SRCAP: variants seen among roughly 807,000 people sequenced by gnomAD.
The protein encoded by SRCAP is chromatin remodeling protein SRCAP.
Under a neutral mutation model 263.1 loss-of-function variants are expected in SRCAP, and 46 were observed. The ratio of observed to expected loss-of-function variants is 0.17; its 90% CI spans 0.14 to 0.22. SRCAP has a LOEUF of 0.22. SRCAP is among the 10% of genes least tolerant of loss of function. The probability of loss-of-function intolerance (pLI) is 1.00; values close to 1 mark genes in which losing one functional copy is unlikely to be tolerated. For synonymous variants in SRCAP, 1,813 were observed against 1,662.1 expected (o/e 1.09, Z -2.21); for missense variants, 3,695 against 4,181.9 (o/e 0.88, Z 3.21).
chr16:30,703,295 G>A (rs1224738730), intron 3 of SRCAP, among the ~76,000 whole-genome samples: 1 of 151,230 alleles, frequency 6.6e-6, no homozygotes, highest in African/African-American at 2.4e-5. Context: ...CCAGGTTCAA[G>A]CGATTCTCGT....
chr16:30,739,773 T>TC lies in SRCAP; in HGVS notation c.*43dup. ...CACCTAGGCTTTCCACCGTGGCCACTCCCTCCATGACCAGGCCTGACTCTG... is the reference window on the plus strand; with the variant it reads ...CACCTAGGCTTTCCACCGTGGCCACTCCCCTCCATGACCAGGCCTGACTCTG... On this transcript the variant is annotated 3_prime_UTR_variant, in exon 34 of 34. Coordinates refer to ENST00000262518, the MANE Select transcript of SRCAP (RefSeq NM_006662.3). The TC allele has an allele frequency of 6.9e-7, 1 of 1,450,398 alleles. No individual in the cohort carries two copies. Among genetic ancestry groups the TC allele is most frequent in the Non-Finnish European group, 9.1e-7 (1 of 1,099,598 alleles). The allele number at this position is 1,450,398 out of a possible 1,614,324, so 89.8% of individuals were successfully genotyped here.
chr16:30,739,424 C>A lies in SRCAP; in HGVS notation c.9384C>A (p.Val3128=). Reference sequence around the variant, plus strand: ...CCCGGCTGCGTCCAGGGTCTCTAGTCCCCCCACTAGAGACTGAGAAGTTGC... The same window carrying A: ...CCCGGCTGCGTCCAGGGTCTCTAGTACCCCCACTAGAGACTGAGAAGTTGC... ...RSTRLRPGSL[V]PPLETEKLPR... is the part of the protein sequence containing the mutation. The change falls in exon 34 of 34, where the codon GTC becomes GTA. Residue 3128 remains valine (V), a synonymous_variant. Transcript: ENST00000262518. 6.2e-7 allele frequency: 1 copy of A among 1,614,206 alleles called. No individual in the cohort carries two copies. The highest frequency in any genetic ancestry group is 8.5e-7 in the Non-Finnish European group (1 of 1,180,032).
At chr16:30,705,504 A>T (rs937044979) in intron 4 of SRCAP, among the ~76,000 whole-genome samples, 1 of 147,256 alleles carries the variant, frequency 6.8e-6, no homozygotes, top group African/African-American at 2.5e-5. Context: ...GTTCACAGCC[A>T]TTCTCTGGCC....
intron 14 of SRCAP, 120 bp from the exon 15 acceptor site, chr16:30,713,088 T>G: frequency 1.7e-6 from 2 of 1,171,726 alleles, no homozygotes; most frequent in Non-Finnish European, 2.4e-6. Flanking sequence ...TCCATTCTTT[T>G]GCTGGGACTT....
At chr16:30,717,752 G>T (rs940469010) in intron 18 of SRCAP, among the ~76,000 whole-genome samples, 1 of 151,026 alleles carries the variant, frequency 6.6e-6, no homozygotes, top group Non-Finnish European at 1.5e-5. Flanking sequence ...GGGGATACAG[G>T]CACGCACCAC....
chr16:30,717,963 C>T (rs117198472), intron 18 of SRCAP, among the ~76,000 whole-genome samples: 7 of 149,302 alleles, frequency 4.7e-5, no homozygotes, highest in South Asian at 2.1e-4. Flanking sequence ...CTTGCCATGT[C>T]GCTCAGGCTG....
chr16:30,724,469 C>A lies in SRCAP; in HGVS notation c.5045C>A (p.Ala1682Asp). The A allele has an allele frequency of 6.2e-7, 1 of 1,614,240 alleles. No homozygotes were observed. Among genetic ancestry groups the A allele is most frequent in the Non-Finnish European group, 8.5e-7 (1 of 1,180,046 alleles). The change falls in exon 25 of 34, where the codon GCC becomes GAC. Residue 1682 changes from alanine to aspartate, a missense_variant. This residue lies in a region of SRCAP where 1,347 missense variants were observed against 1,304.4 expected (regional missense o/e 1.03). Coordinates refer to ENST00000262518, the MANE Select transcript of SRCAP (RefSeq NM_006662.3). The stretch of plus-strand genomic sequence containing the variant: ...AGCCCGGCTTCTACGCAGACACTGG[C>A]CCTAGCCCCAGCTTTAGCACCCACT... ...LPSPASTQTLALAPALAPTLG... is the reference protein window; with the variant it reads ...LPSPASTQTLDLAPALAPTLG...
At chr16:30,707,463 A>G in intron 5 of SRCAP, 95 bp downstream of exon 5, 1 of 1,604,422 alleles carries the variant, frequency 6.2e-7, no homozygotes, top group Non-Finnish European at 8.5e-7. Flanking sequence ...TGTAGGCATT[A>G]AGAGCAAACT....
chr16:30,706,009 C>G (rs573327940), intron 4 of SRCAP, among the ~76,000 whole-genome samples: 1 of 152,150 alleles, frequency 6.6e-6, no homozygotes. Flanking sequence ...TTCTAAAAGT[C>G]CTCCAGATGA....
chr16:30,710,119 G>A lies in SRCAP; in HGVS notation c.1125G>A (p.Gln375=), dbSNP rs938035516. Residue 375 remains glutamine, a synonymous_variant, in exon 8 of 34, where the codon CAG becomes CAA. Coordinates refer to ENST00000262518, the MANE Select transcript of SRCAP (RefSeq NM_006662.3). ...PEEGAEEEPP[Q]VLEIKPPPSA... ...AAGGTGCTGAAGAAGAGCCCCCTCA[G>A]GTGTTGGAGGTATAGGCAGAAGGAG... The A allele has an allele frequency of 5.6e-6, 9 of 1,613,374 alleles. No individual in the cohort carries two copies. Among genetic ancestry groups the A allele is most frequent in the Non-Finnish European group, 7.6e-6 (9 of 1,179,450 alleles).
chr16:30,722,477 G>GTTCTT, intron 22 of SRCAP, 86 bp from the exon 23 acceptor site: 2 of 1,548,550 alleles, frequency 1.3e-6, no homozygotes, highest in Non-Finnish European at 1.8e-6. Flanking sequence ...TTCCCTCTCT[G>GTTCTT]TTCTTTTCTT....
At chr16:30,734,474 T>G (rs2053140890) in intron 30 of SRCAP, 22 bp from the exon 31 acceptor site, 1 of 1,612,898 alleles carries the variant, frequency 6.2e-7, no homozygotes, top group Non-Finnish European at 8.5e-7. Flanking sequence ...ACTCTGACAC[T>G]TCCCTCTGTT....
Position 30,723,133 on chromosome 16 carries a change from A to G in SRCAP, c.4063A>G (p.Thr1355Ala), listed in dbSNP as rs149991390. ...CACGTTAACCCCTGGCCGGCTACCC[A>G]CACCTACTCTGGGTACTGCTCGAGC... ...RPTLTPGRLPTPTLGTARAPM... is the reference protein window; with the variant it reads ...RPTLTPGRLPAPTLGTARAPM... The change falls in exon 24 of 34, where the codon ACA (threonine) becomes GCA (alanine). Residue 1355 changes from threonine to alanine, a missense_variant. Thr to Ala is a moderately conservative substitution (Grantham distance 58, BLOSUM62 0). Coordinates refer to ENST00000262518, the MANE Select transcript of SRCAP (RefSeq NM_006662.3). The G allele has an allele frequency of 1.2e-6, 2 of 1,613,786 alleles. No homozygotes were observed. Among genetic ancestry groups the G allele is most frequent in the African/African-American group, 2.7e-5 (2 of 74,826 alleles).
At chr16:30,703,296 C>T (rs2052789948) in intron 3 of SRCAP, among the ~76,000 whole-genome samples, 1 of 151,328 alleles carries the variant, frequency 6.6e-6, no homozygotes, top group African/African-American at 2.4e-5. Context: ...CAGGTTCAAG[C>T]GATTCTCGTG....
At chr16:30,700,579 A>C in intron 2 of SRCAP, 37 bp from the exon 3 acceptor site, 1 of 414,010 alleles carries the variant, frequency 2.4e-6, no homozygotes, top group Non-Finnish European at 4.3e-6. Flanking sequence ...CTTTAACTGC[A>C]TTTCTGTCTT....
At position 30,733,560 on chromosome 16, in the gene SRCAP, GA is replaced by G. The variant is rs1473336162; in HGVS notation, c.6298-41del. The G allele has an allele frequency of 2.5e-6, 4 of 1,603,210 alleles. No homozygotes were observed. Among genetic ancestry groups the G allele is most frequent in the Non-Finnish European group, 3.4e-6 (4 of 1,172,924 alleles). The stretch of plus-strand genomic sequence containing the variant: ...CTAAGCCTTTAGACCTGTTTTGGGG[GA>G]TAAGTCTCCCAGTATCATCTTTTTT... On this transcript the variant is annotated intron_variant, in intron 28 of 33. Transcript: ENST00000262518. The surrounding 1 kb of genome is among the most constrained non-coding windows in gnomAD (Gnocchi z 5.3).
intron 19 of SRCAP, 92 bp from the exon 20 acceptor site, chr16:30,720,621 C>T (rs943574619): frequency 7.2e-7 from 1 of 1,383,344 alleles, no homozygotes; most frequent in South Asian, 1.4e-5. Context: ...CTTTTATAAT[C>T]TGTCTCTCTG....
chr16:30,724,804 C>G lies in SRCAP; in HGVS notation c.5380C>G (p.Pro1794Ala), dbSNP rs371358460. ...GCAGACACTGACCTTGAGCCCTGCCCCAGTTCCTACCCTGGGCCCGGCCGC... is the reference window on the plus strand; with the variant it reads ...GCAGACACTGACCTTGAGCCCTGCCGCAGTTCCTACCCTGGGCCCGGCCGC... Reference protein sequence around the residue: ...SVQTLTLSPAPVPTLGPAAAQ... With the variant: ...SVQTLTLSPAAVPTLGPAAAQ... The change falls in exon 25 of 34, where the codon CCA becomes GCA. Residue 1794 changes from proline to alanine, a missense_variant. Transcript: ENST00000262518. 6.2e-6 allele frequency: 10 copies of G among 1,613,558 alleles called. No homozygotes were observed. Among genetic ancestry groups the G allele is most frequent in the East Asian group, 4.5e-5 (2 of 44,874 alleles).
At position 30,716,453 on chromosome 16, in the gene SRCAP, A is replaced by G. The variant is rs377312866; in HGVS notation, c.2791A>G (p.Arg931Gly). 1 of 1,613,732 alleles carries G rather than the reference A, an allele frequency of 6.2e-7. No homozygotes were observed. The highest frequency in any genetic ancestry group is 8.5e-7 in the Non-Finnish European group (1 of 1,179,882). Residue 931 changes from arginine to glycine, a missense_variant, in exon 18 of 34, where the codon AGG (arginine) becomes GGG (glycine). This residue lies in a region of SRCAP where 147 missense variants were observed against 212.7 expected (regional missense o/e 0.69). Coordinates refer to ENST00000262518, the MANE Select transcript of SRCAP (RefSeq NM_006662.3). ...CTTCAGCACCGCCTCTCTGGTGCTA[A>G]GGGCCACGGATGTCCATCCCCTCCA... The part of the protein sequence containing the change: ...ICFSTASLVL[R>G]ATDVHPLQRI...
Sources: allele counts gnomAD v4.1 joint callset (sites outside exome capture counted in the v4.1 genomes callset), GRCh38; gene constraint gnomAD v4.1.1; regional missense constraint gnomAD v4.1.1; non-coding constraint Gnocchi (gnomAD v3.1); transcripts MANE v1.5; gene names NCBI Gene and HGNC (gene_info 2026-07-23, HGNC 2026-07-21).